Variants in BCL2A1 observed in about 807,000 individuals in gnomAD.
BCL2A1 encodes bcl-2-related protein A1.
A neutral mutation model predicts 14.4 loss-of-function variants in BCL2A1; 10 were observed. The observed-to-expected ratio is 0.69, with a 90% CI of 0.43 to 1.18. The LOEUF is 1.18. Among genes scored for constraint, BCL2A1 ranks in the 50% most tolerant of loss-of-function variants. The pLI is 0.00. For missense variants in BCL2A1, 158 were observed against 205.0 expected, an observed-to-expected ratio of 0.77 and a Z score of 1.40; for synonymous variants, 71 against 76.5, an observed-to-expected ratio of 0.93 and a Z score of 0.38.
chr15:79,967,781 G>T lies in BCL2A1; in HGVS notation c.420+2919C>A, dbSNP rs1476387329. On this transcript the variant is annotated intron_variant, in intron 1 of 1. Transcript: ENST00000267953. ...AAGATGATAACAGTTTTCCATGCCA[G>T]TTTGCACTGACTCAAAAAAGCACTG... 71 of 856,164 alleles carry T rather than the reference G, an allele frequency of 8.3e-5. No individual in the cohort carries two copies. In the East Asian group the frequency reaches 1.7e-3, roughly 20 times the overall value. The allele number at this position is 856,164 out of a possible 1,614,324, so 53.0% of individuals were successfully genotyped here. A position where few individuals can be genotyped will look rare whatever the true frequency, so the allele number is the denominator to read the frequency against.
rs755974642 is a variant in BCL2A1, at chr15:79,961,089, G to GA, written c.505dup (p.Ser169PhefsTer37). 3 of 1,613,968 alleles carry GA rather than the reference G, an allele frequency of 1.9e-6. No homozygotes were observed. The highest frequency in any genetic ancestry group is 3.3e-5 in the Admixed American group (2 of 59,998). On this transcript the variant is annotated frameshift_variant, in exon 2 of 2. Coordinates refer to ENST00000267953, the MANE Select transcript of BCL2A1 (RefSeq NM_004049.4). LOFTEE classifies it high-confidence loss of function. Reference sequence around the variant, plus strand: ...TGGTCAACAGTATTGCTTCAGGAGAGATAGCATTTCACAGATCTTTCCTGT... The same window carrying GA: ...TGGTCAACAGTATTGCTTCAGGAGAGAATAGCATTTCACAGATCTTTCCTGT...
Position 79,967,729 on chromosome 15 carries a change from A to G in BCL2A1, c.420+2971T>C, listed in dbSNP as rs186741461. 59 of 1,320,092 alleles carry G rather than the reference A, an allele frequency of 4.5e-5. No homozygotes were observed. In the East Asian group the frequency reaches 1.1e-3, roughly 24 times the overall value. 81.8% of individuals were successfully genotyped at this position (1,320,092 alleles called of 1,614,324 possible). On this transcript the variant is annotated intron_variant, in intron 1 of 1. Coordinates refer to ENST00000267953, the MANE Select transcript of BCL2A1 (RefSeq NM_004049.4). ...CATTCAAGAGTAAATTCATTCATTT[A>G]AGCAGATTTGTCAACATCACTATGA...
In BCL2A1 at chr15:79,967,618, G is replaced by A. The variant is rs753278398; in HGVS notation, c.420+3082C>T. ...TGCTCACATCTTGATAAAGCTGTAA[G>A]TGCCTTCTCTACTCTTACCTCTTCT... On this transcript the variant is annotated intron_variant, in intron 1 of 1. Transcript: ENST00000267953. 3.3e-6 allele frequency: 5 copies of A among 1,537,630 alleles called. No individual in the cohort carries two copies. The South Asian group carries it at 5.7e-5, about 18-fold the overall frequency.
At chr15:79,968,110 G>A (rs562465682) in intron 1 of BCL2A1, among the ~76,000 whole-genome samples, 2 of 152,266 alleles carry the variant, frequency 1.3e-5, no homozygotes, top group South Asian at 4.1e-4. Flanking sequence ...CACACCTCTT[G>A]CTAACAGTGA....
At chr15:79,964,099 A>G (rs1379522482) in intron 1 of BCL2A1, among the ~76,000 whole-genome samples, 1 of 152,140 alleles carries the variant, frequency 6.6e-6, no homozygotes, top group East Asian at 1.9e-4. Flanking sequence ...TGCTATTTGT[A>G]TCTTAAAACC....
At chr15:79,970,492 A>G (rs1229858409) in intron 1 of BCL2A1, among the ~76,000 whole-genome samples, 1 of 152,250 alleles carries the variant, frequency 6.6e-6, no homozygotes, top group Non-Finnish European at 1.5e-5. Flanking sequence ...AACTGAAAAC[A>G]TAAGTGCTTT....
Position 79,970,683 on chromosome 15 carries a change from T to C in BCL2A1, c.420+17A>G, listed in dbSNP as rs780113902. ...TTCACAGGAAAGAACAATGAAGAAT[T>C]TTTCCATCACACATACCCAGCCTCC... is the stretch of plus-strand genomic sequence containing the variant. On this transcript the variant is annotated intron_variant, in intron 1 of 1. Transcript: ENST00000267953. 6.4e-7 allele frequency: 1 copy of C among 1,566,738 alleles called. No homozygotes were observed. The highest frequency in any genetic ancestry group is 8.7e-7 in the Non-Finnish European group (1 of 1,154,652).
At chr15:79,966,870 AAG>A (rs1428288225) in intron 1 of BCL2A1, among the ~76,000 whole-genome samples, 1 of 152,098 alleles carries the variant, frequency 6.6e-6, no homozygotes, top group Non-Finnish European at 1.5e-5. Context: ...AAAAAGGAGA[AAG>A]AGAATAACGA....
intron 1 of BCL2A1, 43 bp downstream of exon 1, chr15:79,970,657 T>G: frequency 2.0e-6 from 3 of 1,513,262 alleles, no homozygotes; most frequent in Non-Finnish European, 2.7e-6. Context: ...TCAATTTCTA[T>G]TTCACAGGAA....
chr15:79,970,808 TA>T lies in BCL2A1; in HGVS notation c.311del (p.Leu104HisfsTer23). On this transcript the variant is annotated frameshift_variant, in exon 1 of 2. Coordinates refer to ENST00000267953, the MANE Select transcript of BCL2A1 (RefSeq NM_004049.4). LOFTEE classifies it high-confidence loss of function. ...AFEGILIKKL[L>X]RQQIAPDVDT... ...CCACATCCGGGGCAATTTGCTGTCG[TA>T]GAAGTTTCTTGATGAGAATACCTTC... is the stretch of plus-strand genomic sequence containing the variant. 1 of 1,614,240 alleles carries T rather than the reference TA, an allele frequency of 6.2e-7. No individual in the cohort carries two copies. The highest frequency in any genetic ancestry group is 8.5e-7 in the Non-Finnish European group (1 of 1,180,038).
rs368100087 is a variant in BCL2A1, at chr15:79,964,030, A to G, written c.421-2856T>C. Among the ~76,000 whole-genome samples, 36 of 152,296 alleles carry G rather than the reference A, an allele frequency of 2.4e-4. No homozygotes were observed. In the South Asian group the frequency reaches 7.5e-3, roughly 32 times the overall value. ...GTCTGCATGTGGATATGTTAGGGTG[A>G]TGGGAGTGACTTTTCTTCCTTTCAA... On this transcript the variant is annotated intron_variant, in intron 1 of 1. Transcript: ENST00000267953.
Position 79,970,752 on chromosome 15 carries a change from G to A in BCL2A1, c.368C>T (p.Ala123Val), listed in dbSNP as rs1353033250. ...DTYKEISYFV[A>V]EFIMNNTGEW... ...TCCTGTGTTATTCATTATGAACTCC[G>A]CAACAAAATATGAAATCTCCTTATA... is the stretch of plus-strand genomic sequence containing the variant. Residue 123 changes from alanine (A) to valine (V), a missense_variant, in exon 1 of 2, where the codon GCG (alanine) becomes GTG (valine). Coordinates refer to ENST00000267953, the MANE Select transcript of BCL2A1 (RefSeq NM_004049.4). 5.0e-6 allele frequency: 8 copies of A among 1,613,904 alleles called. No homozygotes were observed. Among genetic ancestry groups the A allele is most frequent in the East Asian group, 2.2e-5 (1 of 44,900 alleles).
intron 1 of BCL2A1, among the ~76,000 whole-genome samples, chr15:79,965,967 A>G (rs2035537334): frequency 6.6e-6 from 1 of 151,714 alleles, no homozygotes; most frequent in African/African-American, 2.4e-5. Context: ...AAAGAAAAAA[A>G]AAAAAAAGAA....
chr15:79,967,286 G>A (rs1443425522), intron 1 of BCL2A1, among the ~76,000 whole-genome samples: 5 of 136,768 alleles, frequency 3.7e-5, no homozygotes, highest in East Asian at 4.8e-4. Context: ...GCACAATCCC[G>A]GCTCACTGCA....
intron 1 of BCL2A1, among the ~76,000 whole-genome samples, chr15:79,962,462 C>T (rs927801209): frequency 1.3e-5 from 2 of 152,172 alleles, no homozygotes; most frequent in African/African-American, 4.8e-5. Context: ...TTCCTATACA[C>T]TCTCAAGAGG....
Position 79,971,029 on chromosome 15 carries a change from T to C in BCL2A1, c.91A>G (p.Ser31Gly), listed in dbSNP as rs1163595459. The C allele has an allele frequency of 1.2e-6, 2 of 1,614,240 alleles. No individual in the cohort carries two copies. Among genetic ancestry groups the C allele is most frequent in the African/African-American group, 1.3e-5 (1 of 75,080 alleles). Reference protein sequence around the residue: ...LQIPQPGSGPSKTSRVLQNVA... With the variant: ...LQIPQPGSGPGKTSRVLQNVA... ...TTTTGTAGCACTCTGGACGTTTTGCTTGGACCTGATCCAGGTTGTGGTATC... is the reference window on the plus strand; with the variant it reads ...TTTTGTAGCACTCTGGACGTTTTGCCTGGACCTGATCCAGGTTGTGGTATC... The change falls in exon 1 of 2, where the codon AGC becomes GGC. Residue 31 changes from serine (S) to glycine (G), a missense_variant. Ser to Gly is a moderately conservative substitution (Grantham distance 56). Transcript: ENST00000267953.
intron 1 of BCL2A1, among the ~76,000 whole-genome samples, chr15:79,970,084 C>G (rs909683989): frequency 3.3e-5 from 5 of 151,782 alleles, no homozygotes; most frequent in Non-Finnish European, 7.4e-5. Flanking sequence ...GCTGGTCATA[C>G]AGTATATTAT....
At position 79,967,603 on chromosome 15, in the gene BCL2A1, T is replaced by C. The variant is rs761558992; in HGVS notation, c.420+3097A>G. Reference sequence around the variant, plus strand: ...ATTATAGATTGTATGTGCTCACATCTTGATAAAGCTGTAAGTGCCTTCTCT... The same window carrying C: ...ATTATAGATTGTATGTGCTCACATCCTGATAAAGCTGTAAGTGCCTTCTCT... On this transcript the variant is annotated intron_variant, in intron 1 of 1. Transcript: ENST00000267953. 13 of 1,580,220 alleles carry C rather than the reference T, an allele frequency of 8.2e-6. No individual in the cohort carries two copies. In the South Asian group the frequency reaches 1.2e-4, roughly 15 times the overall value.
intron 1 of BCL2A1, among the ~76,000 whole-genome samples, chr15:79,961,410 T>C (rs2035489814): frequency 6.6e-6 from 1 of 152,194 alleles, no homozygotes; most frequent in South Asian, 2.1e-4. Context: ...TAGGATAGTT[T>C]TAGAGTTATT....
Sources: gnomAD v4.1 joint callset for allele counts (sites outside exome capture counted in the v4.1 genomes callset) on GRCh38, gnomAD v4.1.1 for gene constraint, MANE v1.5 for transcripts, NCBI Gene and HGNC (gene_info 2026-07-23, HGNC 2026-07-21) for gene names.